CCDC14: variants seen among roughly 807,000 people sequenced by gnomAD.
CCDC14 encodes the protein coiled-coil domain-containing protein 14.
A neutral mutation model predicts 81.4 loss-of-function variants in CCDC14; 71 were observed. That is an observed-to-expected ratio of 0.87 (90% CI 0.72 to 1.06). CCDC14 has a LOEUF of 1.06. Ranked by LOEUF, CCDC14 falls within the 50% of genes least tolerant of loss-of-function variation. The pLI, the probability that CCDC14 is intolerant of heterozygous loss-of-function variation, is 0.00. For synonymous variants in CCDC14, 332 were observed against 364.8 expected (o/e 0.91, Z 1.03); for missense variants, 1,046 against 1,047.3 (o/e 1.00, Z 0.02).
chr3:123,951,391 G>C (rs1194503484), intron 5 of CCDC14, among the ~76,000 whole-genome samples: 1 of 152,108 alleles, frequency 6.6e-6, no homozygotes, highest in Non-Finnish European at 1.5e-5. Flanking sequence ...AAAGTAATAA[G>C]AGTTACCTTC....
chr3:123,932,649 A>G (rs1257453683), intron 10 of CCDC14, among the ~76,000 whole-genome samples: 1 of 152,138 alleles, frequency 6.6e-6, no homozygotes, highest in African/African-American at 2.4e-5. Context: ...TCCCCTCCAA[A>G]AAAATAAAAA....
At chr3:123,897,562 G>C (rs1264757338) in exon 6 of CCDC14, 2 of 1,176,002 alleles carry the variant, frequency 1.7e-6, no homozygotes, top group East Asian at 1.2e-4. Context: ...GTACTGTATT[G>C]GGCTTTTGTG....
At chr3:123,943,437 G>C (rs1002023205) in intron 9 of CCDC14, among the ~76,000 whole-genome samples, 4 of 151,826 alleles carry the variant, frequency 2.6e-5, no homozygotes, top group Non-Finnish European at 5.9e-5. Context: ...CCCCATTGTA[G>C]GCCATAGGAA....
Position 123,913,488 on chromosome 3 carries a change from C to T in CCDC14, c.*1291G>A. On this transcript the variant is annotated 3_prime_UTR_variant, in exon 13 of 13. Coordinates refer to ENST00000409697, the MANE Select transcript of CCDC14 (RefSeq NM_001366335.1). ...GTTAAAGAGTTGTGGCCTATTACCT[C>T]CAAATAAGATGCCAATAAATTAATT... is the stretch of plus-strand genomic sequence containing the variant. 1.5e-5 allele frequency: 15 copies of T among 980,740 alleles called. No individual in the cohort carries two copies. Among genetic ancestry groups the T allele is most frequent in the Non-Finnish European group, 1.8e-5 (15 of 826,054 alleles). The allele number at this position is 980,740 out of a possible 1,614,324, so 60.8% of individuals were successfully genotyped here. A position where few individuals can be genotyped will look rare whatever the true frequency, so the allele number is the denominator to read the frequency against.
intron 9 of CCDC14, among the ~76,000 whole-genome samples, chr3:123,941,794 C>T (rs2036364815): frequency 6.6e-6 from 1 of 151,936 alleles, no homozygotes; most frequent in South Asian, 2.1e-4. Flanking sequence ...CAAGTGGTGG[C>T]CCATAAAATA....
rs71142765 is a variant in CCDC14 at position 123,916,468 on chromosome 3, T to TTGTGTGTGTG, written c.1779-760_1779-751dup. On this transcript the variant is annotated intron_variant, in intron 12 of 12. Transcript: ENST00000409697. Reference sequence around the variant, plus strand: ...TTATTTCCCTTCATTATATATGTGTTTGTGTGTGTGTGTGTGTGTGTGTGT... The same window carrying TTGTGTGTGTG: ...TTATTTCCCTTCATTATATATGTGTTTGTGTGTGTGTGTGTGTGTGTGTGTGTGTGTGTGT... 5.4e-3 allele frequency among the ~76,000 whole-genome samples: 787 copies of TTGTGTGTGTG among 146,166 alleles called. 8 individuals carry two copies. The highest frequency in any genetic ancestry group is 0.042 in the East Asian group (210 of 4,990).
chr3:123,928,183 G>T (rs1293064008), intron 12 of CCDC14, among the ~76,000 whole-genome samples: 1 of 151,804 alleles, frequency 6.6e-6, no homozygotes, highest in Non-Finnish European at 1.5e-5. Context: ...TTGTCAACAT[G>T]TGCAATGCAT....
At position 123,915,328 on chromosome 3, in the gene CCDC14, C is replaced by G; in HGVS notation, c.2169G>C (p.Glu723Asp). Residue 723 changes from glutamate to aspartate, a missense_variant, in exon 13 of 13, where the codon GAG becomes GAC. Coordinates refer to ENST00000409697, the MANE Select transcript of CCDC14 (RefSeq NM_001366335.1). ...TGTAAATTGTATTATCCAAATTATG[C>G]TCATCTTCTATTAAAGCCATAGTTT... The part of the protein sequence containing the change: ...GSETMALIED[E>D]HNLDNTIYIP... The G allele has an allele frequency of 6.2e-7, 1 of 1,613,864 alleles. No homozygotes were observed. Among genetic ancestry groups the G allele is most frequent in the Non-Finnish European group, 8.5e-7 (1 of 1,179,862 alleles).
rs987606290 is a variant in CCDC14, at chr3:123,956,082, A to C, written c.193T>G (p.Ser65Ala). The C allele has an allele frequency of 1.3e-6, 2 of 1,548,164 alleles. No individual in the cohort carries two copies. Among genetic ancestry groups the C allele is most frequent in the Admixed American group, 2.0e-5 (1 of 50,684 alleles). ...TTTCTCAAAATGTCCCTCAGCAAAG[A>C]AGCACAACCATCAAGCCCGTGTACA... ...ETVHGLDGCA[S>A]LLRDILRNED... Residue 65 changes from serine to alanine, a missense_variant, in exon 4 of 13, where the codon TCT becomes GCT. Physicochemically the swap from Ser to Ala is moderately conservative, Grantham distance 99 (BLOSUM62 1). Coordinates refer to ENST00000409697, the MANE Select transcript of CCDC14 (RefSeq NM_001366335.1).
At chr3:123,941,120 T>C (rs2036327559) in intron 9 of CCDC14, among the ~76,000 whole-genome samples, 1 of 152,008 alleles carries the variant, frequency 6.6e-6, no homozygotes. Flanking sequence ...TCTAGCTCAA[T>C]GGCTCTTAAC....
rs749979822 is a variant in CCDC14 at position 123,915,375 on chromosome 3, G to A, written c.2122C>T (p.Gln708Ter). Residue 708 changes from glutamine to a stop codon, truncating the protein, a stop_gained, in exon 13 of 13, where the codon CAG becomes TAG. Coordinates refer to ENST00000409697, the MANE Select transcript of CCDC14 (RefSeq NM_001366335.1). LOFTEE classifies it low-confidence loss of function (END_TRUNC). Reference sequence around the variant, plus strand: ...GTTTCACTCCCTTCATCAGAATCCTGTTTTGAAAGGGCAGAAATAATTCCA... The same window carrying A: ...GTTTCACTCCCTTCATCAGAATCCTATTTTGAAAGGGCAGAAATAATTCCA... ...APGIISALSK[Q>*]DSDEGSETMA... 6.2e-7 allele frequency: 1 copy of A among 1,613,606 alleles called. No homozygotes were observed. The highest frequency in any genetic ancestry group is 1.1e-5 in the South Asian group (1 of 91,000).
At chr3:123,901,400 T>G (rs977067668) in intron 5 of CCDC14, among the ~76,000 whole-genome samples, 1 of 152,162 alleles carries the variant, frequency 6.6e-6, no homozygotes, top group East Asian at 1.9e-4. Flanking sequence ...GTAGTTATTA[T>G]TTAAATGTAT....
At chr3:123,947,400 A>C in intron 7 of CCDC14, 81 bp from the exon 8 acceptor site, 17 of 884,562 alleles carry the variant, frequency 1.9e-5, no homozygotes, top group Non-Finnish European at 2.9e-5. Flanking sequence ...AAATATATGA[A>C]ATATATTTAT....
rs181479038 is a variant in CCDC14, at chr3:123,916,108, C to T, written c.1779-390G>A. On this transcript the variant is annotated intron_variant, in intron 12 of 12. Transcript: ENST00000409697. ...CTGCCTCCCAGGTTCAAGTGATCCT[C>T]TTGCCTCAGCCTCCCGAGTAGCTGG... 6.1e-4 allele frequency among the ~76,000 whole-genome samples: 92 copies of T among 151,654 alleles called. 2 individuals carry two copies. In the South Asian group the frequency reaches 0.011, roughly 18 times the overall value.
chr3:123,947,167 C>T lies in CCDC14; in HGVS notation c.837G>A (p.Gln279=). The part of the protein sequence containing the change: ...KTDISAIPTL[Q]QLGLVNGILP... ...GAATTCCATTAACAAGGCCCAGTTG[C>T]TGCAATGTTGGAATAGCTGATATGT... Residue 279 remains glutamine (Q), a synonymous_variant, in exon 8 of 13, where the codon CAG becomes CAA. Transcript: ENST00000409697. 1 of 1,613,922 alleles carries T rather than the reference C, an allele frequency of 6.2e-7. No individual in the cohort carries two copies. Among genetic ancestry groups the T allele is most frequent in the Non-Finnish European group, 8.5e-7 (1 of 1,179,876 alleles).
At chr3:123,897,167 AT>A (rs1183501179), downstream of CCDC14, 2 of 152,228 alleles carry the variant, frequency 1.3e-5, no homozygotes, top group Non-Finnish European at 2.9e-5. Context: ...AACCATAAAA[AT>A]ATAAATGTTA....
At chr3:123,961,057 C>G in intron 1 of CCDC14, 87 bp downstream of exon 1, 1 of 1,179,276 alleles carries the variant, frequency 8.5e-7, no homozygotes. Flanking sequence ...TGTCTTTTTT[C>G]GAGCAGAGTT....
At chr3:123,929,554 C>T (rs1214942698) in intron 12 of CCDC14, among the ~76,000 whole-genome samples, 1 of 152,142 alleles carries the variant, frequency 6.6e-6, no homozygotes, top group Non-Finnish European at 1.5e-5. Flanking sequence ...CCACCCACCT[C>T]GGCCTCCCAA....
intron 12 of CCDC14, among the ~76,000 whole-genome samples, chr3:123,916,155 C>T (rs998615942): frequency 7.2e-5 from 11 of 151,830 alleles, no homozygotes; most frequent in East Asian, 5.8e-4. Flanking sequence ...CGCATCACCA[C>T]GCCTGGCTAA....
Sources: allele counts gnomAD v4.1 joint callset (sites outside exome capture counted in the v4.1 genomes callset), GRCh38; gene constraint gnomAD v4.1.1; transcripts MANE v1.5; gene names NCBI Gene and HGNC (gene_info 2026-07-23, HGNC 2026-07-21).